Variants in TGFB3 observed in about 807,000 individuals in gnomAD.
TGFB3 encodes the protein transforming growth factor beta-3 proprotein.
In TGFB3, 5 loss-of-function variants were observed where a neutral mutation model predicts 40.1. The ratio of observed to expected loss-of-function variants is 0.12; its 90% CI spans 0.07 to 0.26. TGFB3 has a LOEUF of 0.26. Among genes scored for constraint, TGFB3 ranks in the 10% least tolerant of loss-of-function variants. TGFB3 has a pLI of 1.00. For synonymous variants in TGFB3, 184 were observed against 205.6 expected (o/e 0.89, Z 0.90); for missense variants, 373 against 530.1 (o/e 0.70, Z 2.91).
Position 75,971,592 on chromosome 14 carries a change from C to T in TGFB3, c.479G>A (p.Ser160Asn), listed in dbSNP as rs983700048. 1 of 1,614,218 alleles carries T rather than the reference C, an allele frequency of 6.2e-7. No individual in the cohort carries two copies. The highest frequency in any genetic ancestry group is 8.5e-7 in the Non-Finnish European group (1 of 1,180,026). The change falls in exon 2 of 7, where the codon AGC becomes AAC. Residue 160 changes from serine to asparagine, a missense_variant. Transcript: ENST00000238682. This position sits in a 1 kb window ranked among gnomAD's most constrained non-coding sequence, Gnocchi z 4.5. ...EFRVLRVPNP[S>N]SKRNEQRIEL... ...GATCCTCTGCTCATTCCGCTTAGAGCTGGGGTTGGGCACCCGCAAGACCCG... is the reference window on the plus strand; with the variant it reads ...GATCCTCTGCTCATTCCGCTTAGAGTTGGGGTTGGGCACCCGCAAGACCCG...
intron 5 of TGFB3, among the ~76,000 whole-genome samples, chr14:75,962,422 A>G (rs2035168140): frequency 6.6e-6 from 1 of 152,158 alleles, no homozygotes; most frequent in Non-Finnish European, 1.5e-5. Context: ...TCCCAAGCCC[A>G]ACCATCCTCA....
intron 3 of TGFB3, among the ~76,000 whole-genome samples, chr14:75,969,294 CAGG>C (rs1180735421): frequency 6.6e-6 from 1 of 152,126 alleles, no homozygotes; most frequent in East Asian, 1.9e-4. Context: ...CAGCTGATGA[CAGG>C]AGAAAACCTT....
intron 3 of TGFB3, 132 bp downstream of exon 3, chr14:75,970,994 A>T: frequency 7.8e-7 from 1 of 1,277,736 alleles, no homozygotes; most frequent in Non-Finnish European, 1.1e-6. Context: ...TGAATGGAGG[A>T]TACTCAGTGG....
rs143414961 is a variant in TGFB3 at position 75,972,865 on chromosome 14, T to A, written c.353-1147A>T. On this transcript the variant is annotated intron_variant, in intron 1 of 6. Coordinates refer to ENST00000238682, the MANE Select transcript of TGFB3 (RefSeq NM_003239.5). The stretch of plus-strand genomic sequence containing the variant: ...GGGCTTATATAGCAAAGAGCCCACA[T>A]CATGAGCCTGGCAGAAACACAGATG... 5.3e-5 allele frequency among the ~76,000 whole-genome samples: 8 copies of A among 152,300 alleles called. No homozygotes were observed. The East Asian group carries it at 1.5e-3, about 29-fold the overall frequency.
rs886050799 is a variant in TGFB3, at chr14:75,981,071, G to A, written c.-178C>T. On this transcript the variant is annotated 5_prime_UTR_variant, in exon 1 of 7. Coordinates refer to ENST00000238682, the MANE Select transcript of TGFB3 (RefSeq NM_003239.5). This position sits in a 1 kb window ranked among gnomAD's most constrained non-coding sequence, Gnocchi z 4.7. ...GAGAGCTTCAGGACTTCCAGGAAGCGCTGGCAACCCTGAGGACGAAGAAGC... is the reference window on the plus strand; with the variant it reads ...GAGAGCTTCAGGACTTCCAGGAAGCACTGGCAACCCTGAGGACGAAGAAGC... The A allele has an allele frequency of 2.3e-5, 15 of 654,192 alleles. No homozygotes were observed. Among genetic ancestry groups the A allele is most frequent in the East Asian group, 5.5e-5 (2 of 36,656 alleles). The allele number at this position is 654,192 out of a possible 1,614,324, so 40.5% of individuals were successfully genotyped here. A position where few individuals can be genotyped will look rare whatever the true frequency, so the allele number is the denominator to read the frequency against.
Position 75,980,573 on chromosome 14 carries a change from T to C in TGFB3, c.321A>G (p.Lys107=). Residue 107 remains lysine (K), a synonymous_variant, in exon 1 of 7, where the codon AAA becomes AAG. Transcript: ENST00000238682. The surrounding 1 kb of genome is among the most constrained non-coding windows in gnomAD (Gnocchi z 4.3). ...ESEYYAKEIH[K]FDMIQGLAEH... ...CCGCCAGCCCCTGGATCATGTCGAA[T>C]TTATGGATTTCTTTGGCATAGTATT... 6.2e-7 allele frequency: 1 copy of C among 1,614,194 alleles called. No homozygotes were observed. The highest frequency in any genetic ancestry group is 8.5e-7 in the Non-Finnish European group (1 of 1,180,030).
At position 75,979,240 on chromosome 14, in the gene TGFB3, G is replaced by A. The variant is rs2035392072; in HGVS notation, c.352+1302C>T. ...GCGTGGAGCCGTGAACGGGGCCTTT[G>A]CACCTCCAGCCAGAGCTGGTCCACC... On this transcript the variant is annotated intron_variant, in intron 1 of 6. Transcript: ENST00000238682. The surrounding 1 kb of genome is among the most constrained non-coding windows in gnomAD (Gnocchi z 4.8). Among the ~76,000 whole-genome samples the A allele has an allele frequency of 6.6e-6, 1 of 152,128 alleles. No homozygotes were observed. Among genetic ancestry groups the A allele is most frequent in the Non-Finnish European group, 1.5e-5 (1 of 68,012 alleles).
At position 75,980,331 on chromosome 14, in the gene TGFB3, CCAGAAGCGCCGGCTCTTAA is replaced by C. The variant is rs1449728999; in HGVS notation, c.352+192_352+210del. ...ACTCAGCTCCAGGGCTCCTGGCCTC[CCAGAAGCGCCGGCTCTTAA>C]CAGAATGGCTCTATCTCCTTCCCCA... On this transcript the variant is annotated intron_variant, in intron 1 of 6. Transcript: ENST00000238682. The surrounding 1 kb of genome is among the most constrained non-coding windows in gnomAD (Gnocchi z 4.3). Among the ~76,000 whole-genome samples the C allele has an allele frequency of 5.9e-5, 9 of 152,218 alleles. No individual in the cohort carries two copies. The highest frequency in any genetic ancestry group is 1.3e-4 in the Non-Finnish European group (9 of 68,038).
intron 1 of TGFB3, among the ~76,000 whole-genome samples, chr14:75,972,733 T>C (rs2035308617): frequency 1.3e-5 from 2 of 152,328 alleles, no homozygotes; most frequent in African/African-American, 4.8e-5. Flanking sequence ...GGGGTCCACC[T>C]GTCAGACTAA....
chr14:75,963,126 G>T, intron 5 of TGFB3, 190 bp downstream of exon 5: 1 of 700,800 alleles, frequency 1.4e-6, no homozygotes, highest in South Asian at 1.7e-5. Flanking sequence ...AAAACAGTGG[G>T]ACTCCCAGGA....
rs2035390531 is a variant in TGFB3 at position 75,979,141 on chromosome 14, A to G, written c.352+1401T>C. ...GCCCCACATGGCAGCCACATCCTGAAGAAAGGCGCTCCAGGCAGCCACAGG... is the reference window on the plus strand; with the variant it reads ...GCCCCACATGGCAGCCACATCCTGAGGAAAGGCGCTCCAGGCAGCCACAGG... On this transcript the variant is annotated intron_variant, in intron 1 of 6. Transcript: ENST00000238682. The surrounding 1 kb of genome is among the most constrained non-coding windows in gnomAD (Gnocchi z 4.8). Among the ~76,000 whole-genome samples, 1 of 152,046 alleles carries G rather than the reference A, an allele frequency of 6.6e-6. No homozygotes were observed. The highest frequency in any genetic ancestry group is 1.5e-5 in the Non-Finnish European group (1 of 67,972).
rs1281000484 is a variant in TGFB3, at chr14:75,979,895, C to G, written c.352+647G>C. ...TGCATGTCACCCTAAAGTACACGGC[C>G]CTGGGAACATTCGTGCATACCCTCT... On this transcript the variant is annotated intron_variant, in intron 1 of 6. Transcript: ENST00000238682. The surrounding 1 kb of genome is among the most constrained non-coding windows in gnomAD (Gnocchi z 4.8). Among the ~76,000 whole-genome samples the G allele has an allele frequency of 2.0e-5, 3 of 152,170 alleles. No homozygotes were observed. Among genetic ancestry groups the G allele is most frequent in the Non-Finnish European group, 4.4e-5 (3 of 68,028 alleles).
intron 5 of TGFB3, 141 bp from the exon 6 acceptor site, chr14:75,961,217 T>C: frequency 1.0e-6 from 1 of 953,660 alleles, no homozygotes; most frequent in East Asian, 2.6e-5. Context: ...TTCAAGGGCA[T>C]GGGGCAGAAG....
In TGFB3 at chr14:75,981,136, G is replaced by A; in HGVS notation, c.-243C>T. ...GTAGCGCTGGGATTCTTGTCCATGT[G>A]TCTAAACAGGTTTTGCTGGGCTCTG... On this transcript the variant is annotated 5_prime_UTR_variant, in exon 1 of 7. Transcript: ENST00000238682. The surrounding 1 kb of genome is among the most constrained non-coding windows in gnomAD (Gnocchi z 4.7). 1.8e-6 allele frequency: 1 copy of A among 545,808 alleles called. No individual in the cohort carries two copies. The highest frequency in any genetic ancestry group is 1.9e-5 in the African/African-American group (1 of 53,012). The allele number at this position is 545,808 out of a possible 1,614,324, so 33.8% of individuals were successfully genotyped here. A position where few individuals can be genotyped will look rare whatever the true frequency, so the allele number is the denominator to read the frequency against.
At position 75,981,005 on chromosome 14, in the gene TGFB3, A is replaced by AC. The variant is rs2035424011; in HGVS notation, c.-113dup. The stretch of plus-strand genomic sequence containing the variant: ...CAGGCGGCCTCCCCAGATCCCAAAG[A>AC]CTGAGGCTTGGCAAGAAGGTGCATG... On this transcript the variant is annotated 5_prime_UTR_variant, in exon 1 of 7. Transcript: ENST00000238682. The surrounding 1 kb of genome is among the most constrained non-coding windows in gnomAD (Gnocchi z 4.7). 3.1e-6 allele frequency: 3 copies of AC among 972,000 alleles called. No individual in the cohort carries two copies. The highest frequency in any genetic ancestry group is 1.9e-5 in the Admixed American group (1 of 53,846). The allele number at this position is 972,000 out of a possible 1,614,324, so 60.2% of individuals were successfully genotyped here.
intron 6 of TGFB3, among the ~76,000 whole-genome samples, chr14:75,960,543 G>C (rs769447025): frequency 2.9e-4 from 44 of 152,178 alleles, no homozygotes; most frequent in Non-Finnish European, 2.8e-4. Context: ...TTGTCTTTCA[G>C]AGTAAGTTTT....
intron 6 of TGFB3, among the ~76,000 whole-genome samples, chr14:75,959,836 T>C (rs1317236698): frequency 6.6e-6 from 1 of 151,620 alleles, no homozygotes; most frequent in Non-Finnish European, 1.5e-5. Context: ...GTAGTTGCTG[T>C]TCATCCACAA....
At chr14:75,977,867 T>G (rs1362341829) in intron 1 of TGFB3, among the ~76,000 whole-genome samples, 1 of 152,086 alleles carries the variant, frequency 6.6e-6, no homozygotes, top group Admixed American at 6.6e-5. Flanking sequence ...TACATATAAA[T>G]GAGTGCTTAA....
chr14:75,961,100 A>G lies in TGFB3; in HGVS notation c.927-24T>C, dbSNP rs1452716587. The G allele has an allele frequency of 1.9e-6, 3 of 1,613,644 alleles. No individual in the cohort carries two copies. The African/African-American group carries it at 4.0e-5, about 22-fold the overall frequency. ...TGCTACAACAAAAAACATTTATAGA[A>G]AATCAACTTAAAACCACCAATAAAA... On this transcript the variant is annotated intron_variant, in intron 5 of 6. Transcript: ENST00000238682.
Sources: allele counts gnomAD v4.1 joint callset (sites outside exome capture counted in the v4.1 genomes callset), GRCh38; gene constraint gnomAD v4.1.1; non-coding constraint Gnocchi (gnomAD v3.1); transcripts MANE v1.5; gene names NCBI Gene and HGNC (gene_info 2026-07-23, HGNC 2026-07-21).